Variants in APOC4 observed in about 807,000 individuals in gnomAD.
APOC4 encodes the protein apolipoprotein C-IV.
In APOC4, 10 loss-of-function variants were observed where a neutral mutation model predicts 8.4. The ratio of observed to expected loss-of-function variants is 1.19; its 90% CI spans 0.74 to 2.03. The LOEUF (loss-of-function observed/expected upper bound fraction) is 2.03, where lower values mean the gene tolerates loss of function less well. Among genes scored for constraint, APOC4 ranks in the 30% most tolerant of loss-of-function variants. The probability of loss-of-function intolerance (pLI) is 0.00; values close to 1 mark genes in which losing one functional copy is unlikely to be tolerated. For synonymous variants in APOC4, 59 were observed against 65.8 expected (o/e 0.90, Z 0.50); for missense variants, 160 against 156.1 (o/e 1.02, Z -0.13).
intron 1 of APOC4, among the ~76,000 whole-genome samples, chr19:44,942,670 G>T (rs973393092): frequency 5.9e-5 from 9 of 151,808 alleles, no homozygotes; most frequent in African/African-American, 2.2e-4. Flanking sequence ...TGTGGGGTAT[G>T]TGTGTGCAAA....
At position 44,945,071 on chromosome 19, in the gene APOC4, G is replaced by A. The variant is rs1197856513; in HGVS notation, c.219-69G>A. 3 of 1,565,148 alleles carry A rather than the reference G, an allele frequency of 1.9e-6. No homozygotes were observed. The South Asian group carries it at 3.6e-5, about 19-fold the overall frequency. ...AGGAACTCCTAGGTCACAGAGAGGAGCGGATAAATGGGGCAGAGAACACCT... is the reference window on the plus strand; with the variant it reads ...AGGAACTCCTAGGTCACAGAGAGGAACGGATAAATGGGGCAGAGAACACCT... On this transcript the variant is annotated intron_variant, in intron 2 of 2. Transcript: ENST00000592954.
Position 44,944,833 on chromosome 19 carries a change from T to A in APOC4, c.161T>A (p.Met54Lys). 1 of 1,608,436 alleles carries A rather than the reference T, an allele frequency of 6.2e-7. No individual in the cohort carries two copies. Among genetic ancestry groups the A allele is most frequent in the African/African-American group, 1.3e-5 (1 of 74,908 alleles). ...CGCTGGAGCCTGGTGAGGGGCAGGA[T>A]GAAGGAGCTGCTGGAGACAGTGGTG... ...MSRWSLVRGR[M>K]KELLETVVNR... The change falls in exon 2 of 3, where the codon ATG becomes AAG. Residue 54 changes from methionine (M) to lysine (K), a missense_variant. By Grantham distance (95) the Met-to-Lys change is moderately conservative (BLOSUM62 -1). Transcript: ENST00000592954.
Position 44,945,265 on chromosome 19 carries a change from T to C in APOC4, c.344T>C (p.Leu115Pro). Reference sequence around the variant, plus strand: ...AGCCTCTTGAAGAAGACCCACAGCCTGTGCCCCAGGCTTGTCTGTGGGGAC... The same window carrying C: ...AGCCTCTTGAAGAAGACCCACAGCCCGTGCCCCAGGCTTGTCTGTGGGGAC... ...KDSLLKKTHS[L>P]CPRLVCGDKD... Residue 115 changes from leucine (L) to proline (P), a missense_variant, in exon 3 of 3, where the codon CTG becomes CCG. Transcript: ENST00000592954. 1.2e-6 allele frequency: 2 copies of C among 1,613,924 alleles called. No individual in the cohort carries two copies. Among genetic ancestry groups the C allele is most frequent in the Non-Finnish European group, 1.7e-6 (2 of 1,179,986 alleles).
Position 44,944,735 on chromosome 19 carries a change from C to T in APOC4, c.77-14C>T. 1.2e-6 allele frequency: 2 copies of T among 1,606,734 alleles called. No individual in the cohort carries two copies. Among genetic ancestry groups the T allele is most frequent in the South Asian group, 1.1e-5 (1 of 90,018 alleles). On this transcript the variant is annotated splice_polypyrimidine_tract_variant and intron_variant, in intron 1 of 2. Transcript: ENST00000592954. ...GGTCCCAGCCTACCCAAGTTGCCCTCTGGTTCCACCTAGCATGCCAGCCAG... is the reference window on the plus strand; with the variant it reads ...GGTCCCAGCCTACCCAAGTTGCCCTTTGGTTCCACCTAGCATGCCAGCCAG...
rs1568633103 is a variant in APOC4, at chr19:44,945,361, A to G, written c.*56A>G. 7.1e-6 allele frequency: 11 copies of G among 1,554,020 alleles called. No homozygotes were observed. The highest frequency in any genetic ancestry group is 3.6e-5 in the Admixed American group (2 of 55,632). On this transcript the variant is annotated 3_prime_UTR_variant, in exon 3 of 3. Transcript: ENST00000592954. ...CGGGTGCCTGTAGTCCCAGCTACTC[A>G]GGAGGCTGAGGTAGGATGATGGCTT...
In APOC4 at chr19:44,942,431, A is replaced by G. The variant is rs148247675; in HGVS notation, c.76+78A>G. The stretch of plus-strand genomic sequence containing the variant: ...GTGGCTGTGTGTCCTGTGGCTCTGT[A>G]GCCACGTGAGACATGAGTACGGAGT... On this transcript the variant is annotated intron_variant, in intron 1 of 2. Transcript: ENST00000592954. 9.0e-4 allele frequency: 1,274 copies of G among 1,422,388 alleles called. 3 individuals are homozygous for G. Among genetic ancestry groups the G allele is most frequent in the Non-Finnish European group, 1.1e-3 (1,108 of 1,027,418 alleles). 88.1% of individuals were successfully genotyped at this position (1,422,388 alleles called of 1,614,324 possible).
chr19:44,942,410 C>A, intron 1 of APOC4, 57 bp downstream of exon 1: 2 of 1,551,038 alleles, frequency 1.3e-6, no homozygotes, highest in Non-Finnish European at 1.8e-6. Flanking sequence ...GTGAGTGTGG[C>A]TGTGTGTCCT....
chr19:44,944,383 C>T (rs1056879406), intron 1 of APOC4, among the ~76,000 whole-genome samples: 3 of 151,806 alleles, frequency 2.0e-5, no homozygotes, highest in South Asian at 2.1e-4. Context: ...AAAAATTAGC[C>T]GGGCATGATG....
At chr19:44,944,662 G>A in intron 1 of APOC4, 87 bp from the exon 2 acceptor site, 1 of 1,472,824 alleles carries the variant, frequency 6.8e-7, no homozygotes, top group South Asian at 1.4e-5. Context: ...TGGGCCACCG[G>A]GAGCGACACA....
At chr19:44,944,006 G>T (rs976686975) in intron 1 of APOC4, among the ~76,000 whole-genome samples, 1 of 152,150 alleles carries the variant, frequency 6.6e-6, no homozygotes, top group Non-Finnish European at 1.5e-5. Flanking sequence ...TGACAGCAAG[G>T]CTAAGCCAAT....
At chr19:44,943,504 G>A (rs1234141328) in intron 1 of APOC4, among the ~76,000 whole-genome samples, 2 of 151,698 alleles carry the variant, frequency 1.3e-5, no homozygotes, top group Non-Finnish European at 2.9e-5. Flanking sequence ...CGGGTGGATC[G>A]CAAGGTCAGG....
In APOC4 at chr19:44,945,217, C is replaced by T. The variant is rs779122649; in HGVS notation, c.296C>T (p.Ala99Val). The part of the protein sequence containing the change: ...HLRDLGPLTK[A>V]WFLESKDSLL... ...AGGGACCTGGGTCCGCTCACCAAGG[C>T]CTGGTTCCTCGAATCCAAAGACAGC... The change falls in exon 3 of 3, where the codon GCC becomes GTC. Residue 99 changes from alanine to valine, a missense_variant. Physicochemically the swap from Ala to Val is moderately conservative, Grantham distance 64. Transcript: ENST00000592954. The T allele has an allele frequency of 1.6e-5, 26 of 1,613,972 alleles. No homozygotes were observed. The highest frequency in any genetic ancestry group is 1.7e-5 in the Non-Finnish European group (20 of 1,180,014).
chr19:44,944,839 A>T lies in APOC4; in HGVS notation c.167A>T (p.Glu56Val), dbSNP rs1430798854. ...AGCCTGGTGAGGGGCAGGATGAAGG[A>T]GCTGCTGGAGACAGTGGTGAACAGG... ...RWSLVRGRMKELLETVVNRTR... is the reference protein window; with the variant it reads ...RWSLVRGRMKVLLETVVNRTR... The change falls in exon 2 of 3, where the codon GAG (glutamate) becomes GTG (valine). Residue 56 changes from glutamate to valine, a missense_variant. Coordinates refer to ENST00000592954, the MANE Select transcript of APOC4 (RefSeq NM_001646.3). 1 of 1,608,570 alleles carries T rather than the reference A, an allele frequency of 6.2e-7. No individual in the cohort carries two copies. Among genetic ancestry groups the T allele is most frequent in the East Asian group, 2.2e-5 (1 of 44,748 alleles).
Position 44,944,429 on chromosome 19 carries a change from AG to A in APOC4, c.77-318del, listed in dbSNP as rs1188719773. Among the ~76,000 whole-genome samples the A allele has an allele frequency of 2.0e-5, 3 of 152,188 alleles. No homozygotes were observed. The East Asian group carries it at 5.8e-4, about 29-fold the overall frequency. ...GTAATCCCTGCTACTCGGGAGGCTGAGGCAGGAAAATTGCCTGAATCCAGGA... is the reference window on the plus strand; with the variant it reads ...GTAATCCCTGCTACTCGGGAGGCTGAGCAGGAAAATTGCCTGAATCCAGGA... On this transcript the variant is annotated intron_variant, in intron 1 of 2. Transcript: ENST00000592954.
Position 44,944,883 on chromosome 19 carries a change from T to G in APOC4, c.211T>G (p.Trp71Gly). The change falls in exon 2 of 3, where the codon TGG (tryptophan) becomes GGG (glycine). Residue 71 changes from tryptophan (W) to glycine (G), a missense_variant. Transcript: ENST00000592954. ...GAACAGGACCAGAGACGGGTGGCAATGGTTCTGGTGAGGGTGTGCTGGGCT... is the reference window on the plus strand; with the variant it reads ...GAACAGGACCAGAGACGGGTGGCAAGGGTTCTGGTGAGGGTGTGCTGGGCT... ...VVNRTRDGWQWFWSPSTFRGF... is the reference protein window; with the variant it reads ...VVNRTRDGWQGFWSPSTFRGF... 6.2e-7 allele frequency: 1 copy of G among 1,603,636 alleles called. No individual in the cohort carries two copies. Among genetic ancestry groups the G allele is most frequent in the Non-Finnish European group, 8.5e-7 (1 of 1,176,152 alleles).
Position 44,945,319 on chromosome 19 carries a change from G to T in APOC4, c.*14G>T. On this transcript the variant is annotated 3_prime_UTR_variant, in exon 3 of 3. Coordinates refer to ENST00000592954, the MANE Select transcript of APOC4 (RefSeq NM_001646.3). ...GACCAGGGTTAAAATGTTCATAAAA[G>T]CCAGGTGTGGTTGTGGCGGGTGCCT... The T allele has an allele frequency of 6.2e-7, 1 of 1,609,126 alleles. No individual in the cohort carries two copies.
intron 1 of APOC4, among the ~76,000 whole-genome samples, chr19:44,943,645 T>G (rs1970283903): frequency 6.6e-6 from 1 of 151,720 alleles, no homozygotes; most frequent in African/African-American, 2.4e-5. Flanking sequence ...GAGAATCACT[T>G]GAACCCGGGA....
Position 44,942,710 on chromosome 19 carries a change from GGTGA to G in APOC4, c.76+361_76+364del, listed in dbSNP as rs1021429363. 1.4e-4 allele frequency among the ~76,000 whole-genome samples: 22 copies of G among 152,014 alleles called. No homozygotes were observed. In the South Asian group the frequency reaches 1.5e-3, roughly 10 times the overall value. ...TTGAGTGTGTGGACATGTGTGAGGG[GGTGA>G]GTGTGTGCTGGTGTGTACGTCTGTG... On this transcript the variant is annotated intron_variant, in intron 1 of 2. Coordinates refer to ENST00000592954, the MANE Select transcript of APOC4 (RefSeq NM_001646.3).
intron 2 of APOC4, 103 bp from the exon 3 acceptor site, chr19:44,945,037 G>C: frequency 6.5e-6 from 10 of 1,534,494 alleles, no homozygotes; most frequent in Non-Finnish European, 7.9e-6. Context: ...GAGGGTTAGA[G>C]CTGAGAGCAG....
Sources: gnomAD v4.1 joint callset for allele counts (sites outside exome capture counted in the v4.1 genomes callset) on GRCh38, gnomAD v4.1.1 for gene constraint, MANE v1.5 for transcripts, NCBI Gene and HGNC (gene_info 2026-07-23, HGNC 2026-07-21) for gene names.